Variants in KCTD1 observed in about 807,000 individuals in gnomAD.
KCTD1 encodes the protein BTB/POZ domain-containing protein KCTD1.
KCTD1 carries 24 observed loss-of-function variants against 66.0 expected under a neutral mutation model. The observed-to-expected ratio is 0.36, with a 90% CI of 0.26 to 0.51. The LOEUF is 0.51. Ranked by LOEUF, KCTD1 falls within the 20% of genes least tolerant of loss-of-function variation. The probability of loss-of-function intolerance (pLI) is 0.95; values close to 1 mark genes in which losing one functional copy is unlikely to be tolerated. For synonymous variants in KCTD1, 511 were observed against 517.2 expected, an observed-to-expected ratio of 0.99 and a Z score of 0.16; for missense variants, 943 against 1,205.2, an observed-to-expected ratio of 0.78 and a Z score of 3.22.
intron 1 of KCTD1, among the ~76,000 whole-genome samples, chr18:26,511,466 C>A (rs76610110): frequency 0.12 from 17,627 of 152,176 alleles, 1,259 homozygotes; most frequent in Non-Finnish European, 0.15. Flanking sequence ...AAGTACACTG[C>A]CTGTGTTTCC....
At chr18:26,599,493 G>A (rs1598960410) in intron 1 of KCTD1, 12 of 1,605,732 alleles carry the variant, frequency 7.5e-6, no homozygotes, top group Middle Eastern at 3.7e-4. Context: ...AGGTCTGGTG[G>A]ATGAGCTTCA....
At chr18:26,549,230 G>A, upstream of KCTD1, 1 of 986,382 alleles carries the variant, frequency 1.0e-6, no homozygotes, top group Non-Finnish European at 1.2e-6. Context: ...GGCGGCGGCG[G>A]CTCCCCCACC....
At chr18:26,524,862 G>C (rs1377324825) in intron 1 of KCTD1, among the ~76,000 whole-genome samples, 1 of 151,954 alleles carries the variant, frequency 6.6e-6, no homozygotes, top group Non-Finnish European at 1.5e-5. Flanking sequence ...AAAATCTAAA[G>C]GCACAAACCG....
chr18:26,563,767 T>TG (rs1488113638), intron 1 of KCTD1, among the ~76,000 whole-genome samples: 1 of 152,218 alleles, frequency 6.6e-6, no homozygotes, highest in Non-Finnish European at 1.5e-5. Flanking sequence ...TGAGTTAATA[T>TG]GGATAAAGAG....
At chr18:26,502,628 T>C (rs561008693) in intron 1 of KCTD1, among the ~76,000 whole-genome samples, 2 of 152,354 alleles carry the variant, frequency 1.3e-5, no homozygotes, top group South Asian at 4.1e-4. Context: ...GATAGGTCTC[T>C]GGTATTCAAT....
At chr18:26,464,118 A>G (rs1024336039) in intron 3 of KCTD1, among the ~76,000 whole-genome samples, 1 of 152,202 alleles carries the variant, frequency 6.6e-6, no homozygotes, top group African/African-American at 2.4e-5. Context: ...ATTACCACAA[A>G]TTTGGTGGCT....
At chr18:26,588,903 G>T (rs1054324305) in intron 1 of KCTD1, among the ~76,000 whole-genome samples, 1 of 152,188 alleles carries the variant, frequency 6.6e-6, no homozygotes, top group African/African-American at 2.4e-5. Flanking sequence ...GCAGTGTGTT[G>T]CTTTGGATGA....
At chr18:26,549,550 G>A (rs1263910647), upstream of KCTD1, 9 of 636,380 alleles carry the variant, frequency 1.4e-5, no homozygotes, top group Non-Finnish European at 1.8e-5. Context: ...CACCCGCCCA[G>A]GGCGCCGCCC....
At chr18:26,517,282 T>C (rs764518647) in intron 1 of KCTD1, among the ~76,000 whole-genome samples, 35 of 152,272 alleles carry the variant, frequency 2.3e-4, no homozygotes, top group African/African-American at 8.2e-4. Context: ...TGGGAGATAA[T>C]TGAATCATGG....
chr18:26,540,593 C>A (rs777060404), intron 1 of KCTD1, among the ~76,000 whole-genome samples: 41 of 152,156 alleles, frequency 2.7e-4, no homozygotes, highest in Non-Finnish European at 5.1e-4. Context: ...CTCCTCTTCC[C>A]CCACCTCCTA....
chr18:26,601,222 C>T (rs1357986916), intron 1 of KCTD1, among the ~76,000 whole-genome samples: 3 of 149,258 alleles, frequency 2.0e-5, no homozygotes, highest in African/African-American at 7.4e-5. Flanking sequence ...TTGTTACCCA[C>T]CCGTACGGAC....
At chr18:26,619,694 G>C (rs761315389) in intron 1 of KCTD1, among the ~76,000 whole-genome samples, 23 of 152,144 alleles carry the variant, frequency 1.5e-4, no homozygotes, top group Non-Finnish European at 2.6e-4. Flanking sequence ...CCGGCAGTGC[G>C]GGCTTGTAAA....
At chr18:26,525,576 C>A (rs1319159444) in intron 1 of KCTD1, among the ~76,000 whole-genome samples, 1 of 152,230 alleles carries the variant, frequency 6.6e-6, no homozygotes, top group Non-Finnish European at 1.5e-5. Flanking sequence ...CTATGGTCAG[C>A]CTCTTCCTGC....
At chr18:26,651,216 C>G (rs1425976897) in intron 1 of KCTD1, among the ~76,000 whole-genome samples, 3 of 152,178 alleles carry the variant, frequency 2.0e-5, no homozygotes, top group Non-Finnish European at 4.4e-5. Flanking sequence ...GGTGGCAGAA[C>G]AAGCAAGCCC....
At position 26,455,686 on chromosome 18, in the gene KCTD1, T is replaced by TTTTG. The variant is rs146107679; in HGVS notation, c.*53_*56dup. The TTTTG allele has an allele frequency of 5.6e-6, 9 of 1,610,046 alleles. No individual in the cohort carries two copies. The highest frequency in any genetic ancestry group is 5.5e-5 in the South Asian group (5 of 90,576). On this transcript the variant is annotated 3_prime_UTR_variant, in exon 5 of 5. Coordinates refer to ENST00000580059, the MANE Select transcript of KCTD1 (RefSeq NM_001142730.3). ...TCCCAACTGCACATAAATGTCCCTT[T>TTTTG]TTTGTTTGAGTTATTGGTTGTGTGT...
intron 1 of KCTD1, among the ~76,000 whole-genome samples, chr18:26,635,869 T>C (rs1987712567): frequency 6.6e-6 from 1 of 152,088 alleles, no homozygotes; most frequent in South Asian, 2.1e-4. Flanking sequence ...CCCTGGGAGA[T>C]AGGTTCTTTT....
At chr18:26,545,091 G>C (rs986985643) in intron 1 of KCTD1, 1 of 152,044 alleles carries the variant, frequency 6.6e-6, no homozygotes, top group South Asian at 2.1e-4. Flanking sequence ...GGTTCTTTAC[G>C]TCACAATTCT....
At chr18:26,479,346 T>TC (rs1981509767) in intron 2 of KCTD1, among the ~76,000 whole-genome samples, 1 of 150,564 alleles carries the variant, frequency 6.6e-6, no homozygotes, top group Non-Finnish European at 1.5e-5. Flanking sequence ...TATGAGGGGG[T>TC]CCAGTCAAAG....
chr18:26,604,862 A>C (rs1986976943), intron 1 of KCTD1, among the ~76,000 whole-genome samples: 1 of 152,102 alleles, frequency 6.6e-6, no homozygotes, highest in African/African-American at 2.4e-5. Context: ...TATGTAACAA[A>C]CCTTCACATA....
Sources: gnomAD v4.1 joint callset for allele counts (sites outside exome capture counted in the v4.1 genomes callset) on GRCh38, gnomAD v4.1.1 for gene constraint, MANE v1.5 for transcripts, NCBI Gene and HGNC (gene_info 2026-07-23, HGNC 2026-07-21) for gene names.